FAAH: variants seen among roughly 807,000 people sequenced by gnomAD.
FAAH encodes the protein fatty-acid amide hydrolase 1.
A neutral mutation model predicts 69.7 loss-of-function variants in FAAH; 63 were observed. The observed-to-expected ratio is 0.90, with a 90% CI of 0.74 to 1.12. FAAH has a LOEUF of 1.12. Ranked by LOEUF, FAAH falls within the 50% of genes most tolerant of loss-of-function variation. FAAH has a pLI of 0.00. For missense variants in FAAH, 680 were observed against 755.0 expected (o/e 0.90, Z 1.16); for synonymous variants, 305 against 324.2 (o/e 0.94, Z 0.64).
Position 46,411,360 on chromosome 1 carries a change from G to GAGGGT in FAAH, c.1317-249_1317-245dup, listed in dbSNP as rs1265499733. On this transcript the variant is annotated intron_variant, in intron 11 of 14. Coordinates refer to ENST00000243167, the MANE Select transcript of FAAH (RefSeq NM_001441.3). This position sits in a 1 kb window ranked among gnomAD's most constrained non-coding sequence, Gnocchi z 4.8. ...GCAGCTATGGCCTCTCCCGTGTCCT[G>GAGGGT]AGGGTAGCGAGGAATCGGGCCTGGG... is the stretch of plus-strand genomic sequence containing the variant. 6.6e-6 allele frequency among the ~76,000 whole-genome samples: 1 copy of GAGGGT among 152,260 alleles called. No homozygotes were observed. The highest frequency in any genetic ancestry group is 1.5e-5 in the Non-Finnish European group (1 of 68,048).
Position 46,411,815 on chromosome 1 carries a change from A to G in FAAH, c.1356+164A>G, listed in dbSNP as rs1389541236. On this transcript the variant is annotated intron_variant, in intron 12 of 14. Transcript: ENST00000243167. This position sits in a 1 kb window ranked among gnomAD's most constrained non-coding sequence, Gnocchi z 4.8. ...ACCACCACTTGGGCCCAGCTCTCTG[A>G]CCCTTACTTGCCTAGATGCCCATCC... is the stretch of plus-strand genomic sequence containing the variant. 1.3e-5 allele frequency among the ~76,000 whole-genome samples: 2 copies of G among 151,888 alleles called. No homozygotes were observed. The highest frequency in any genetic ancestry group is 2.9e-5 in the Non-Finnish European group (2 of 67,944).
At position 46,405,851 on chromosome 1, in the gene FAAH, C is replaced by T. The variant is rs956436881; in HGVS notation, c.785+57C>T. ...TCGCTGTGTGACCTTGGCCTAGCTT[C>T]CAACCTCTCTGGGCTCCAGGCGGGG... On this transcript the variant is annotated intron_variant, in intron 5 of 14. Transcript: ENST00000243167. This position sits in a 1 kb window ranked among gnomAD's most constrained non-coding sequence, Gnocchi z 4.1. The T allele has an allele frequency of 3.1e-5, 50 of 1,608,502 alleles. 1 individual carries two copies. The highest frequency in any genetic ancestry group is 3.4e-4 in the Middle Eastern group (2 of 5,932).
rs750300015 is a variant in FAAH, at chr1:46,408,461, C to T, written c.954C>T (p.Val318=). ...TGTCCCCTGTGTTTTCCCTCCAGGTCTACACCAGCTCTCAGCCCCTGCGTG... is the reference window on the plus strand; with the variant it reads ...TGTCCCCTGTGTTTTCCCTCCAGGTTTACACCAGCTCTCAGCCCCTGCGTG... ...TVPPLPFREE[V]YTSSQPLRVG... The change falls in exon 8 of 15, where the codon GTC becomes GTT. Residue 318 remains valine (V), a splice_region_variant and synonymous_variant. Transcript: ENST00000243167. 6 of 1,614,162 alleles carry T rather than the reference C, an allele frequency of 3.7e-6. No individual in the cohort carries two copies. Among genetic ancestry groups the T allele is most frequent in the South Asian group, 2.2e-5 (2 of 91,074 alleles).
In FAAH at chr1:46,406,361, G is replaced by T. The variant is rs773621135; in HGVS notation, c.944G>T (p.Arg315Ile). The change falls in exon 7 of 15, where the codon AGA (arginine) becomes ATA (isoleucine). Residue 315 changes from arginine (R) to isoleucine (I), a missense_variant. Transcript: ENST00000243167. The part of the protein sequence containing the change: ...LDPTVPPLPF[R>I]EEVYTSSQPL... ...CCCACTGTGCCTCCCTTGCCCTTCA[G>T]AGAAGAGGTGAGCAGGGCTGGGTGG... The T allele has an allele frequency of 1.5e-5, 24 of 1,613,992 alleles. No homozygotes were observed. In the East Asian group the frequency reaches 2.9e-4, roughly 19 times the overall value.
chr1:46,395,745 A>G (rs1161308408), intron 1 of FAAH, among the ~76,000 whole-genome samples: 4 of 152,204 alleles, frequency 2.6e-5, no homozygotes, highest in Admixed American at 2.6e-4. Flanking sequence ...GTTGGGGCAG[A>G]GCTGGAACTA....
Position 46,405,686 on chromosome 1 carries a change from G to C in FAAH, c.677G>C (p.Gly226Ala). 6.2e-7 allele frequency: 1 copy of C among 1,613,582 alleles called. No individual in the cohort carries two copies. Among genetic ancestry groups the C allele is most frequent in the Non-Finnish European group, 8.5e-7 (1 of 1,180,030 alleles). ...GSSGGEGALIGSGGSPLGLGT... is the reference protein window; with the variant it reads ...GSSGGEGALIASGGSPLGLGT... The stretch of plus-strand genomic sequence containing the variant: ...TCAGGGGGTGAAGGGGCCCTCATCG[G>C]GTCTGGAGGCTCCCCCCTGGGCTTA... The change falls in exon 5 of 15, where the codon GGG becomes GCG. Residue 226 changes from glycine (G) to alanine (A), a missense_variant. Transcript: ENST00000243167. The surrounding 1 kb of genome is among the most constrained non-coding windows in gnomAD (Gnocchi z 4.1).
At chr1:46,406,175 C>T (rs919866104) in intron 6 of FAAH, 69 bp from the exon 7 acceptor site, 129 of 1,613,860 alleles carry the variant, frequency 8.0e-5, no homozygotes, top group Non-Finnish European at 9.0e-5. Context: ...GTGTCTGGCC[C>T]CCAGGCTGCT....
In FAAH at chr1:46,410,539, G is replaced by A. The variant is rs1163409262; in HGVS notation, c.1275+42G>A. On this transcript the variant is annotated intron_variant, in intron 10 of 14. Coordinates refer to ENST00000243167, the MANE Select transcript of FAAH (RefSeq NM_001441.3). This position sits in a 1 kb window ranked among gnomAD's most constrained non-coding sequence, Gnocchi z 4.9. ...TGGAGGGGCTAGGATGGCTGGGGGG[G>A]AACCTAGGGCCTCCTATCGCATGAT... 6.4e-7 allele frequency: 1 copy of A among 1,556,640 alleles called. No individual in the cohort carries two copies.
chr1:46,411,696 G>A lies in FAAH; in HGVS notation c.1356+45G>A, dbSNP rs768368775. The A allele has an allele frequency of 8.7e-6, 14 of 1,609,010 alleles. 1 individual carries two copies. The South Asian group carries it at 1.4e-4, about 16-fold the overall frequency. ...ATTGGAGCAGGGTGGTGGGGGGAGGGTGGAGTTGGACAGGGTACCCGCTAG... is the reference window on the plus strand; with the variant it reads ...ATTGGAGCAGGGTGGTGGGGGGAGGATGGAGTTGGACAGGGTACCCGCTAG... On this transcript the variant is annotated intron_variant, in intron 12 of 14. Coordinates refer to ENST00000243167, the MANE Select transcript of FAAH (RefSeq NM_001441.3). This position sits in a 1 kb window ranked among gnomAD's most constrained non-coding sequence, Gnocchi z 4.8.
chr1:46,407,803 C>T lies in FAAH; in HGVS notation c.952-656C>T, dbSNP rs534495350. On this transcript the variant is annotated intron_variant, in intron 7 of 14. Coordinates refer to ENST00000243167, the MANE Select transcript of FAAH (RefSeq NM_001441.3). ...TTAATGTAGACAGTAAGCTGTGTGA[C>T]GTAAGCCCCGTTTCTCAGCAGTCCA... Among the ~76,000 whole-genome samples, 4 of 152,306 alleles carry T rather than the reference C, an allele frequency of 2.6e-5. No individual in the cohort carries two copies. The East Asian group carries it at 7.7e-4, about 29-fold the overall frequency.
intron 1 of FAAH, among the ~76,000 whole-genome samples, chr1:46,397,407 C>T (rs1664615282): frequency 6.6e-6 from 1 of 152,156 alleles, no homozygotes; most frequent in Non-Finnish European, 1.5e-5. Flanking sequence ...AGTTTTGGCT[C>T]TGAAAGCTTG....
chr1:46,395,063 C>A (rs1170737590), intron 1 of FAAH, among the ~76,000 whole-genome samples: 4 of 152,178 alleles, frequency 2.6e-5, no homozygotes, highest in Non-Finnish European at 5.9e-5. Flanking sequence ...GCCTCAGCAT[C>A]CCCAGTAGCT....
At chr1:46,397,111 T>C (rs1055125165) in intron 1 of FAAH, among the ~76,000 whole-genome samples, 7 of 152,234 alleles carry the variant, frequency 4.6e-5, no homozygotes, top group African/African-American at 1.7e-4. Flanking sequence ...GGCTGGGCGC[T>C]GGAGGTCCTC....
Position 46,406,382 on chromosome 1 carries a change from G to C in FAAH, c.951+14G>C. 6.2e-7 allele frequency: 1 copy of C among 1,613,796 alleles called. No homozygotes were observed. Among genetic ancestry groups the C allele is most frequent in the East Asian group, 2.2e-5 (1 of 44,856 alleles). On this transcript the variant is annotated intron_variant, in intron 7 of 14. Transcript: ENST00000243167. ...TTCAGAGAAGAGGTGAGCAGGGCTG[G>C]GTGGGCATGAATGTGGACCGCTGAA...
At position 46,405,323 on chromosome 1, in the gene FAAH, G is replaced by T; in HGVS notation, c.445-49G>T. On this transcript the variant is annotated intron_variant, in intron 3 of 14. Transcript: ENST00000243167. This position sits in a 1 kb window ranked among gnomAD's most constrained non-coding sequence, Gnocchi z 4.1. ...CAGTTGTTGGAGTGGACCCTTGGCT[G>T]CCCACGGGCCCTGACTCACTCCCTT... The T allele has an allele frequency of 6.2e-7, 1 of 1,605,498 alleles. No homozygotes were observed. The highest frequency in any genetic ancestry group is 8.5e-7 in the Non-Finnish European group (1 of 1,179,868).
chr1:46,411,376 C>T lies in FAAH; in HGVS notation c.1317-236C>T, dbSNP rs918037537. On this transcript the variant is annotated intron_variant, in intron 11 of 14. Transcript: ENST00000243167. This position sits in a 1 kb window ranked among gnomAD's most constrained non-coding sequence, Gnocchi z 4.8. ...CCGTGTCCTGAGGGTAGCGAGGAAT[C>T]GGGCCTGGGCTAGTCCTGGCTCTGC... is the stretch of plus-strand genomic sequence containing the variant. 2.0e-5 allele frequency among the ~76,000 whole-genome samples: 3 copies of T among 152,200 alleles called. No homozygotes were observed. The highest frequency in any genetic ancestry group is 1.9e-4 in the East Asian group (1 of 5,202).
In FAAH at chr1:46,405,886, C is replaced by T; in HGVS notation, c.785+92C>T. On this transcript the variant is annotated intron_variant, in intron 5 of 14. Coordinates refer to ENST00000243167, the MANE Select transcript of FAAH (RefSeq NM_001441.3). The surrounding 1 kb of genome is among the most constrained non-coding windows in gnomAD (Gnocchi z 4.1). ...TGGGCTCCAGGCGGGGATTCGGTCTCCGGGGTTTTGCTGGGAGGAAGCATT... is the reference window on the plus strand; with the variant it reads ...TGGGCTCCAGGCGGGGATTCGGTCTTCGGGGTTTTGCTGGGAGGAAGCATT... 6.2e-7 allele frequency: 1 copy of T among 1,606,710 alleles called. No individual in the cohort carries two copies. The highest frequency in any genetic ancestry group is 8.5e-7 in the Non-Finnish European group (1 of 1,177,196).
chr1:46,407,864 C>T (rs949149427), intron 7 of FAAH, among the ~76,000 whole-genome samples: 8 of 152,134 alleles, frequency 5.3e-5, no homozygotes, highest in African/African-American at 1.2e-4. Flanking sequence ...CTTGCCCTCG[C>T]CCCAGCCAAG....
intron 7 of FAAH, among the ~76,000 whole-genome samples, chr1:46,407,804 G>A (rs939752524): frequency 5.9e-5 from 9 of 152,200 alleles, no homozygotes; most frequent in African/African-American, 1.7e-4. Context: ...GCTGTGTGAC[G>A]TAAGCCCCGT....
Sources: gnomAD v4.1 joint callset for allele counts (sites outside exome capture counted in the v4.1 genomes callset) on GRCh38, gnomAD v4.1.1 for gene constraint, Gnocchi (gnomAD v3.1) non-coding constraint, MANE v1.5 for transcripts, NCBI Gene and HGNC (gene_info 2026-07-23, HGNC 2026-07-21) for gene names.